The following MAGI2 variants were observed in gnomAD, a reference collection of about 807,000 sequenced individuals.
MAGI2 encodes the protein membrane-associated guanylate kinase, WW and PDZ domain-containing protein 2.
A neutral mutation model predicts 133.3 loss-of-function variants in MAGI2; 35 were observed. That is an observed-to-expected ratio of 0.26 (90% CI 0.20 to 0.35). The LOEUF (loss-of-function observed/expected upper bound fraction) is 0.35, where lower values mean the gene tolerates loss of function less well. Among genes scored for constraint, MAGI2 ranks in the 10% least tolerant of loss-of-function variants. The pLI is 1.00. For missense variants in MAGI2, 1,636 were observed against 1,863.4 expected (o/e 0.88, Z 2.25); for synonymous variants, 729 against 710.6 (o/e 1.03, Z -0.41).
At chr7:78,109,070 C>A (rs191845399) in intron 20 of MAGI2, among the ~76,000 whole-genome samples, 1 of 151,362 alleles carries the variant, frequency 6.6e-6, no homozygotes, top group Admixed American at 6.6e-5. Flanking sequence ...TTTGGGAGGC[C>A]GAGGCGGGCG....
chr7:78,439,279 T>C (rs1787363110), intron 6 of MAGI2, among the ~76,000 whole-genome samples: 1 of 152,218 alleles, frequency 6.6e-6, no homozygotes, highest in South Asian at 2.1e-4. Context: ...TCAGGTTCTT[T>C]GATTCTGAGG....
At chr7:78,890,635 C>A (rs572968402) in intron 2 of MAGI2, among the ~76,000 whole-genome samples, 46 of 152,170 alleles carry the variant, frequency 3.0e-4, no homozygotes, top group African/African-American at 1.0e-3. Flanking sequence ...CTACTGGGAA[C>A]ATAACGAAAT....
At chr7:78,519,767 A>G (rs1290100917) in intron 4 of MAGI2, among the ~76,000 whole-genome samples, 1 of 152,218 alleles carries the variant, frequency 6.6e-6, no homozygotes, top group African/African-American at 2.4e-5. Context: ...AATAGGGATC[A>G]ATGATCCTGG....
In MAGI2 at chr7:78,199,154, T is replaced by A. The variant is rs971222776; in HGVS notation, c.2079+2008A>T. On this transcript the variant is annotated intron_variant, in intron 11 of 21. Coordinates refer to ENST00000354212, the MANE Select transcript of MAGI2 (RefSeq NM_012301.4). ...GGTCATTTCTCAACAAGCTTCTTAT[T>A]GGGCCTCTCTTGTCCAGTCCCAAGG... 4.6e-5 allele frequency among the ~76,000 whole-genome samples: 7 copies of A among 152,330 alleles called. No homozygotes were observed. The East Asian group carries it at 1.4e-3, about 29-fold the overall frequency.
At chr7:78,555,809 T>C (rs947110858) in intron 3 of MAGI2, among the ~76,000 whole-genome samples, 4 of 152,224 alleles carry the variant, frequency 2.6e-5, no homozygotes, top group Admixed American at 2.6e-4. Flanking sequence ...AGCCCAAAGA[T>C]GTGTTTATCT....
chr7:79,092,874 C>A (rs570674104), intron 1 of MAGI2, among the ~76,000 whole-genome samples: 1 of 152,192 alleles, frequency 6.6e-6, no homozygotes, highest in South Asian at 2.1e-4. Context: ...CTTTTCTAAC[C>A]TTTTCCAGTC....
chr7:78,620,632 T>G (rs1272673944), intron 3 of MAGI2, among the ~76,000 whole-genome samples: 2 of 151,944 alleles, frequency 1.3e-5, no homozygotes, highest in South Asian at 2.1e-4. Flanking sequence ...GGTCCACGAT[T>G]ATAAGAAATC....
chr7:78,199,960 A>G (rs1221781965), intron 11 of MAGI2, among the ~76,000 whole-genome samples: 1 of 152,256 alleles, frequency 6.6e-6, no homozygotes, highest in Non-Finnish European at 1.5e-5. Flanking sequence ...AAAGATGTGT[A>G]TAACCACAGA....
At chr7:78,136,531 A>G (rs1226151432) in intron 16 of MAGI2, among the ~76,000 whole-genome samples, 1 of 152,196 alleles carries the variant, frequency 6.6e-6, no homozygotes, top group Non-Finnish European at 1.5e-5. Flanking sequence ...CTACCAAGAT[A>G]ACTATTTATG....
At chr7:78,049,260 C>T (rs770062468) in intron 21 of MAGI2, among the ~76,000 whole-genome samples, 9 of 152,194 alleles carry the variant, frequency 5.9e-5, no homozygotes, top group African/African-American at 2.2e-4. Flanking sequence ...ATAATTTCCA[C>T]CACATTACCA....
intron 9 of MAGI2, among the ~76,000 whole-genome samples, chr7:78,260,487 A>G (rs1322049179): frequency 2.0e-5 from 3 of 152,100 alleles, no homozygotes; most frequent in African/African-American, 4.8e-5. Context: ...TATCTCTTAC[A>G]TTTCCTCTTT....
At chr7:78,125,326 G>T (rs1471485396) in intron 20 of MAGI2, among the ~76,000 whole-genome samples, 2 of 152,072 alleles carry the variant, frequency 1.3e-5, no homozygotes, top group African/African-American at 4.8e-5. Flanking sequence ...GGGGGAAAAA[G>T]CACAAAACTA....
At chr7:78,482,288 T>C (rs1324952378) in intron 6 of MAGI2, among the ~76,000 whole-genome samples, 1 of 151,922 alleles carries the variant, frequency 6.6e-6, no homozygotes, top group Non-Finnish European at 1.5e-5. Flanking sequence ...GGATCACTTG[T>C]TCACTGCTGG....
chr7:78,291,109 C>CA (rs1354105802), intron 9 of MAGI2, among the ~76,000 whole-genome samples: 1 of 152,040 alleles, frequency 6.6e-6, no homozygotes, highest in African/African-American at 2.4e-5. Flanking sequence ...AATAGAGACA[C>CA]AAAAAACCCT....
intron 2 of MAGI2, among the ~76,000 whole-genome samples, chr7:78,931,997 G>GGA (rs1563678345): frequency 1.6e-5 from 2 of 125,342 alleles, no homozygotes; most frequent in African/African-American, 6.2e-5. Flanking sequence ...CAAAAGGAAG[G>GGA]CAAAAAAAAA....
At chr7:78,788,729 G>C (rs1827037171) in intron 2 of MAGI2, among the ~76,000 whole-genome samples, 1 of 152,024 alleles carries the variant, frequency 6.6e-6, no homozygotes, top group African/African-American at 2.4e-5. Flanking sequence ...TTTCCCTTAG[G>C]GAATACCTCC....
At chr7:78,978,221 T>A (rs6979739) in intron 2 of MAGI2, among the ~76,000 whole-genome samples, 20,337 of 151,852 alleles carry the variant, frequency 0.13, 2,122 homozygotes, top group African/African-American at 0.29. Flanking sequence ...TTGCATACGA[T>A]TGTTTATGGC....
chr7:79,172,268 A>C (rs888189700), intron 1 of MAGI2, among the ~76,000 whole-genome samples: 1 of 152,090 alleles, frequency 6.6e-6, no homozygotes, highest in African/African-American at 2.4e-5. Context: ...TATTTCTTTC[A>C]GTTTGATCTC....
intron 1 of MAGI2, among the ~76,000 whole-genome samples, chr7:79,163,348 G>T (rs898782362): frequency 1.3e-5 from 2 of 151,932 alleles, no homozygotes; most frequent in African/African-American, 2.4e-5. Flanking sequence ...GCTAATTTTT[G>T]TATTTAGTAG....
Sources: allele counts gnomAD v4.1 joint callset (sites outside exome capture counted in the v4.1 genomes callset), GRCh38; gene constraint gnomAD v4.1.1; transcripts MANE v1.5; gene names NCBI Gene and HGNC (gene_info 2026-07-23, HGNC 2026-07-21).